Variants in RAP1GDS1 observed in about 807,000 individuals in gnomAD.
RAP1GDS1 encodes RAP1, GTP-GDP dissociation stimulator 1.
Under a neutral mutation model 71.1 loss-of-function variants are expected in RAP1GDS1, and 35 were observed. The ratio of observed to expected loss-of-function variants is 0.49; its 90% CI spans 0.38 to 0.65. The LOEUF is 0.65. Among genes scored for constraint, RAP1GDS1 ranks in the 30% least tolerant of loss-of-function variants. The pLI, the probability that RAP1GDS1 is intolerant of heterozygous loss-of-function variation, is 0.00. For missense variants in RAP1GDS1, 663 were observed against 706.1 expected (o/e 0.94, Z 0.69); for synonymous variants, 229 against 243.1 (o/e 0.94, Z 0.54).
At chr4:98,347,497 A>G (rs1037781743) in intron 3 of RAP1GDS1, among the ~76,000 whole-genome samples, 7 of 152,244 alleles carry the variant, frequency 4.6e-5, no homozygotes, top group Admixed American at 1.3e-4. Flanking sequence ...TTGAATTTCT[A>G]CATTAACCTA....
chr4:98,287,771 CT>C (rs998777007), intron 1 of RAP1GDS1, among the ~76,000 whole-genome samples: 2 of 147,204 alleles, frequency 1.4e-5, no homozygotes, highest in African/African-American at 2.7e-5. Context: ...TGAACAGTTA[CT>C]TTTTTGCTCA....
At chr4:98,376,593 T>A (rs534200785) in intron 4 of RAP1GDS1, among the ~76,000 whole-genome samples, 2 of 152,124 alleles carry the variant, frequency 1.3e-5, no homozygotes, top group East Asian at 3.9e-4. Flanking sequence ...ATTAAATATT[T>A]TTAAAAAAAT....
At chr4:98,431,209 C>T (rs1255545225) in intron 12 of RAP1GDS1, among the ~76,000 whole-genome samples, 2 of 152,184 alleles carry the variant, frequency 1.3e-5, no homozygotes, top group African/African-American at 4.8e-5. Context: ...ATCCAACAAA[C>T]ATTTATTTAA....
At chr4:98,280,812 T>A (rs1328409616) in intron 1 of RAP1GDS1, among the ~76,000 whole-genome samples, 1 of 152,240 alleles carries the variant, frequency 6.6e-6, no homozygotes, top group Non-Finnish European at 1.5e-5. Context: ...GGATCCAGTT[T>A]CAGCTTTCTA....
chr4:98,302,705 T>C (rs1413556672), intron 2 of RAP1GDS1, among the ~76,000 whole-genome samples: 1 of 151,872 alleles, frequency 6.6e-6, no homozygotes, highest in Non-Finnish European at 1.5e-5. Flanking sequence ...TAAAAACAAA[T>C]ACAGAGGAAA....
At chr4:98,342,953 A>C (rs1735703017) in intron 2 of RAP1GDS1, among the ~76,000 whole-genome samples, 186 bp from the exon 3 acceptor site, 1 of 149,544 alleles carries the variant, frequency 6.7e-6, no homozygotes, top group Admixed American at 6.7e-5. Context: ...GTGCCGATTA[A>C]AACTCAAAAT....
At chr4:98,375,166 G>C (rs964506621) in intron 4 of RAP1GDS1, among the ~76,000 whole-genome samples, 5 of 152,110 alleles carry the variant, frequency 3.3e-5, no homozygotes, top group Non-Finnish European at 7.4e-5. Flanking sequence ...TAGGGGAGGA[G>C]GACATTTTTG....
intron 1 of RAP1GDS1, among the ~76,000 whole-genome samples, chr4:98,262,467 A>C (rs768396452): frequency 6.6e-6 from 1 of 152,202 alleles, no homozygotes; most frequent in Non-Finnish European, 1.5e-5. Context: ...ATTTGACCTA[A>C]TTTTTTTACA....
chr4:98,379,286 T>G (rs1741641324), intron 5 of RAP1GDS1, 123 bp downstream of exon 5: 1 of 993,754 alleles, frequency 1.0e-6, no homozygotes, highest in African/African-American at 1.7e-5. Context: ...CATATAAAAT[T>G]AATAATTAGC....
chr4:98,419,861 A>G (rs186029781), intron 10 of RAP1GDS1, among the ~76,000 whole-genome samples, 158 bp from the exon 11 acceptor site: 1 of 152,338 alleles, frequency 6.6e-6, no homozygotes, highest in Admixed American at 6.5e-5. Context: ...TAAACAACTG[A>G]ATTCCATTCT....
rs547710289 is a variant in RAP1GDS1, at chr4:98,442,267, A to G, written c.*150A>G. The G allele has an allele frequency of 5.5e-6, 6 of 1,084,950 alleles. 1 individual carries two copies. The Admixed American group carries it at 1.8e-4, about 32-fold the overall frequency. The allele number at this position is 1,084,950 out of a possible 1,614,324, so 67.2% of individuals were successfully genotyped here. A position where few individuals can be genotyped will look rare whatever the true frequency, so the allele number is the denominator to read the frequency against. ...AAGAACCGCTGTAGGTACCTCCCTA[A>G]TAAGATTTCTAAACCTATAGTTAGT... On this transcript the variant is annotated 3_prime_UTR_variant, in exon 15 of 15. Coordinates refer to ENST00000408927, the MANE Select transcript of RAP1GDS1 (RefSeq NM_001100427.2).
chr4:98,368,783 A>G (rs1175096444), intron 4 of RAP1GDS1, among the ~76,000 whole-genome samples: 1 of 152,080 alleles, frequency 6.6e-6, no homozygotes, highest in Non-Finnish European at 1.5e-5. Flanking sequence ...GATTTTGGAG[A>G]AGGAGAAGCC....
At chr4:98,426,495 A>G (rs1246935665) in intron 12 of RAP1GDS1, among the ~76,000 whole-genome samples, 2 of 152,172 alleles carry the variant, frequency 1.3e-5, no homozygotes, top group Non-Finnish European at 2.9e-5. Context: ...AGAAGAGAGA[A>G]AATTCAAATA....
chr4:98,398,308 G>A (rs917188606), intron 6 of RAP1GDS1, among the ~76,000 whole-genome samples: 1 of 151,528 alleles, frequency 6.6e-6, no homozygotes, highest in Admixed American at 6.6e-5. Flanking sequence ...ACAGAGAGGA[G>A]GAAATTGCCA....
At chr4:98,410,901 G>C (rs536057963) in intron 7 of RAP1GDS1, among the ~76,000 whole-genome samples, 1 of 152,074 alleles carries the variant, frequency 6.6e-6, no homozygotes, top group Non-Finnish European at 1.5e-5. Context: ...GAAGGAAGGG[G>C]TTTGTTATCA....
Position 98,293,429 on chromosome 4 carries a change from A to G in RAP1GDS1, c.26A>G (p.Lys9Arg). 6.2e-7 allele frequency: 1 copy of G among 1,604,672 alleles called. No individual in the cohort carries two copies. Among genetic ancestry groups the G allele is most frequent in the South Asian group, 1.1e-5 (1 of 88,282 alleles). Residue 9 changes from lysine (K) to arginine (R), a missense_variant, in exon 2 of 15, where the codon AAG (lysine) becomes AGG (arginine). By Grantham distance (26) the Lys-to-Arg change is conservative. Transcript: ENST00000408927. The part of the protein sequence containing the change: MDNLSDTL[K>R]KLKITAVDKT... ...GCAGATAATCTCAGTGATACCTTGA[A>G]GAAGCTGAAGATAACAGCTGTTGAC... is the stretch of plus-strand genomic sequence containing the variant.
intron 13 of RAP1GDS1, among the ~76,000 whole-genome samples, chr4:98,436,284 A>C (rs899309147): frequency 1.3e-5 from 2 of 152,150 alleles, no homozygotes; most frequent in Non-Finnish European, 2.9e-5. Flanking sequence ...TGCCTTTGAC[A>C]TAAGTGCCTA....
chr4:98,369,854 T>G (rs1407090120), intron 4 of RAP1GDS1, among the ~76,000 whole-genome samples: 1 of 152,208 alleles, frequency 6.6e-6, no homozygotes, highest in East Asian at 1.9e-4. Context: ...ACATTTTTCC[T>G]TAATAGAGCT....
intron 4 of RAP1GDS1, among the ~76,000 whole-genome samples, chr4:98,369,810 AAC>A (rs1432288419): frequency 6.6e-6 from 1 of 152,182 alleles, no homozygotes; most frequent in African/African-American, 2.4e-5. Flanking sequence ...TCATCAGTTA[AAC>A]ACACTTTAAA....
Sources: gnomAD v4.1 joint callset for allele counts (sites outside exome capture counted in the v4.1 genomes callset) on GRCh38, gnomAD v4.1.1 for gene constraint, MANE v1.5 for transcripts, NCBI Gene and HGNC (gene_info 2026-07-23, HGNC 2026-07-21) for gene names.